Variants in GNAQ observed in about 807,000 individuals in gnomAD.
GNAQ encodes G protein subunit alpha q, also known as guanine nucleotide-binding protein G(q) subunit alpha.
Under a neutral mutation model 43.9 loss-of-function variants are expected in GNAQ, and 8 were observed. The observed-to-expected ratio is 0.18, with a 90% confidence interval of 0.11 to 0.33. The LOEUF (loss-of-function observed/expected upper bound fraction) is 0.33. GNAQ is among the 10% of genes least tolerant of loss of function. GNAQ has a pLI of 1.00. For synonymous variants in GNAQ, 155 were observed against 170.7 expected (o/e 0.91, Z 0.71); for missense variants, 158 against 450.8 (o/e 0.35, Z 5.88).
intron 2 of GNAQ, among the ~76,000 whole-genome samples, chr9:77,865,106 C>A (rs888245333): frequency 6.6e-6 from 1 of 152,170 alleles, no homozygotes; most frequent in African/African-American, 2.4e-5. Context: ...TAGAATGACT[C>A]CACATTTGTC....
chr9:77,941,907 TACACACACACAC>T (rs10560776), intron 1 of GNAQ, among the ~76,000 whole-genome samples: 52 of 140,994 alleles, frequency 3.7e-4, no homozygotes, highest in African/African-American at 9.8e-4. Context: ...ACAACATACA[TACACACACACAC>T]ACACACACAC....
chr9:77,981,415 G>A (rs1379173442), intron 1 of GNAQ, among the ~76,000 whole-genome samples: 1 of 152,206 alleles, frequency 6.6e-6, no homozygotes, highest in Admixed American at 6.5e-5. Flanking sequence ...TTTGCAAGAG[G>A]CTGTGCCCTA....
intron 1 of GNAQ, among the ~76,000 whole-genome samples, chr9:77,995,502 T>A (rs1242028641): frequency 5.3e-5 from 8 of 151,558 alleles, no homozygotes; most frequent in Admixed American, 5.3e-4. Context: ...ATATATATAT[T>A]TTTTCCTTCC....
chr9:77,864,988 AT>A lies in GNAQ; in HGVS notation c.322-49219del, dbSNP rs1827924613. 2.6e-5 allele frequency among the ~76,000 whole-genome samples: 4 copies of A among 152,266 alleles called. No individual in the cohort carries two copies. The East Asian group carries it at 7.7e-4, about 29-fold the overall frequency. Reference sequence around the variant, plus strand: ...AATCATGTATCCCTCCTACCTTATCATTTGGCTTTTTCCCCATCAAAAAGAA... The same window carrying A: ...AATCATGTATCCCTCCTACCTTATCATTGGCTTTTTCCCCATCAAAAAGAA... On this transcript the variant is annotated intron_variant, in intron 2 of 6. Transcript: ENST00000286548.
chr9:77,808,326 T>A (rs1033282206), intron 3 of GNAQ, among the ~76,000 whole-genome samples: 1 of 151,172 alleles, frequency 6.6e-6, no homozygotes, highest in East Asian at 1.9e-4. Context: ...CTTAGAATCA[T>A]CAGCATTCAC....
intron 5 of GNAQ, among the ~76,000 whole-genome samples, chr9:77,759,524 T>C (rs1825955738): frequency 6.6e-6 from 1 of 151,980 alleles, no homozygotes; most frequent in South Asian, 2.1e-4. Context: ...TTCAGTTTCC[T>C]TCATCAACAA....
chr9:77,753,114 G>GA (rs1222159987), intron 5 of GNAQ, among the ~76,000 whole-genome samples: 307 of 149,080 alleles, frequency 2.1e-3, no homozygotes, highest in African/African-American at 6.4e-3. Flanking sequence ...AAAGAAAAAG[G>GA]AAAAAAAGAA....
In GNAQ at chr9:77,934,286, C is replaced by A. The variant is rs531747733; in HGVS notation, c.137-11941G>T. 1.4e-3 allele frequency among the ~76,000 whole-genome samples: 207 copies of A among 152,226 alleles called. 1 individual carries two copies. Among genetic ancestry groups the A allele is most frequent in the African/African-American group, 4.5e-3 (188 of 41,530 alleles). On this transcript the variant is annotated intron_variant, in intron 1 of 6. Coordinates refer to ENST00000286548, the MANE Select transcript of GNAQ (RefSeq NM_002072.5). ...GATTTTATGATCATTTTCCCTCTCTCTATATTGTTAAACAGCATTAACAAC... is the reference window on the plus strand; with the variant it reads ...GATTTTATGATCATTTTCCCTCTCTATATATTGTTAAACAGCATTAACAAC...
At chr9:77,904,095 C>A (rs190868496) in intron 2 of GNAQ, among the ~76,000 whole-genome samples, 173 of 152,216 alleles carry the variant, frequency 1.1e-3, no homozygotes, top group African/African-American at 4.0e-3. Context: ...TTAGATAAAG[C>A]CCAGCCCTTT....
rs7873148 is a variant in GNAQ at position 77,949,462 on chromosome 9, C to A, written c.137-27117G>T. Among the ~76,000 whole-genome samples the A allele has an allele frequency of 8.7e-3, 1,327 of 152,284 alleles. 22 individuals carry two copies. The highest frequency in any genetic ancestry group is 0.03 in the African/African-American group (1,227 of 41,552). On this transcript the variant is annotated intron_variant, in intron 1 of 6. Coordinates refer to ENST00000286548, the MANE Select transcript of GNAQ (RefSeq NM_002072.5). ...GAATACTCCTGGGGCTGAGAGAGGG[C>A]TCCCAGCAAATATGAACTTGGTTAG...
At chr9:77,917,989 A>G (rs1828938500) in intron 2 of GNAQ, among the ~76,000 whole-genome samples, 1 of 152,212 alleles carries the variant, frequency 6.6e-6, no homozygotes, top group African/African-American at 2.4e-5. Flanking sequence ...CATTTGGTCC[A>G]GAGACTGTGA....
chr9:77,984,624 T>C (rs1185213461), intron 1 of GNAQ, among the ~76,000 whole-genome samples: 2 of 152,224 alleles, frequency 1.3e-5, no homozygotes, highest in Non-Finnish European at 2.9e-5. Context: ...TTGAAATACC[T>C]TTTTAAAACA....
intron 2 of GNAQ, among the ~76,000 whole-genome samples, chr9:77,887,121 C>CTAAAATAAAATAAAG (rs66568827): frequency 5.9e-5 from 9 of 151,350 alleles, no homozygotes; most frequent in Non-Finnish European, 1.0e-4. Context: ...GACTCTGTCT[C>CTAAAATAAAATAAAG]TAAAATAAAA....
chr9:77,751,265 T>C (rs1372350432), intron 5 of GNAQ, among the ~76,000 whole-genome samples: 2 of 152,214 alleles, frequency 1.3e-5, no homozygotes, highest in African/African-American at 4.8e-5. Context: ...TTTGTGGTCT[T>C]GCCTTGCTAA....
chr9:77,987,541 G>A (rs553259020), intron 1 of GNAQ, among the ~76,000 whole-genome samples: 8 of 152,120 alleles, frequency 5.3e-5, no homozygotes, highest in Non-Finnish European at 7.4e-5. Flanking sequence ...AATATCTCTC[G>A]GCAATCCACC....
At chr9:77,750,563 C>G (rs947195008) in intron 5 of GNAQ, among the ~76,000 whole-genome samples, 1 of 152,120 alleles carries the variant, frequency 6.6e-6, no homozygotes, top group Non-Finnish European at 1.5e-5. Flanking sequence ...CCATTCCAGC[C>G]AAATGGCACA....
chr9:77,808,417 A>C (rs188387505), intron 3 of GNAQ, among the ~76,000 whole-genome samples: 88 of 150,498 alleles, frequency 5.8e-4, no homozygotes, highest in African/African-American at 2.1e-3. Context: ...ACAAAACAGG[A>C]AGAGAATTAA....
chr9:77,878,489 T>C (rs1055844398), intron 2 of GNAQ, among the ~76,000 whole-genome samples: 7 of 152,132 alleles, frequency 4.6e-5, no homozygotes, highest in Admixed American at 2.0e-4. Flanking sequence ...AATAGGATTT[T>C]TGAAATTGAA....
intron 3 of GNAQ, among the ~76,000 whole-genome samples, chr9:77,803,200 T>C (rs998461468): frequency 1.3e-5 from 2 of 152,212 alleles, no homozygotes; most frequent in African/African-American, 4.8e-5. Context: ...CTCTCGGCTA[T>C]TACTGGCCTG....
Sources: gnomAD v4.1 joint callset for allele counts (sites outside exome capture counted in the v4.1 genomes callset) on GRCh38, gnomAD v4.1.1 for gene constraint, MANE v1.5 for transcripts, NCBI Gene and HGNC (gene_info 2026-07-23, HGNC 2026-07-21) for gene names.